ZPBP: variants seen among roughly 807,000 people sequenced by gnomAD.
The protein encoded by ZPBP is zona pellucida-binding protein 1.
In ZPBP, 26 loss-of-function variants were observed where a neutral mutation model predicts 44.8. That is an observed-to-expected ratio of 0.58 (90% CI 0.43 to 0.81). ZPBP has a LOEUF of 0.81. Among genes scored for constraint, ZPBP ranks in the 30% least tolerant of loss-of-function variants. ZPBP has a pLI of 0.00. For synonymous variants in ZPBP, 174 were observed against 153.2 expected, an observed-to-expected ratio of 1.14 and a Z score of -1.00; for missense variants, 409 against 434.0, an observed-to-expected ratio of 0.94 and a Z score of 0.51.
At chr7:50,085,886 G>A (rs2128855270) in intron 2 of ZPBP, among the ~76,000 whole-genome samples, 1 of 152,150 alleles carries the variant, frequency 6.6e-6, no homozygotes, top group South Asian at 2.1e-4. Flanking sequence ...CTGTGTACAT[G>A]CCCAGAACAA....
At chr7:49,924,330 GA>G (rs1313840467) in intron 1 of ZPBP, among the ~76,000 whole-genome samples, 22 of 151,946 alleles carry the variant, frequency 1.4e-4, no homozygotes, top group Non-Finnish European at 2.9e-5. Flanking sequence ...GCTGACCTAG[GA>G]AACAGGTGCA....
intron 2 of ZPBP, among the ~76,000 whole-genome samples, chr7:50,084,381 T>C (rs1802521945): frequency 1.3e-5 from 2 of 151,000 alleles, no homozygotes; most frequent in Admixed American, 6.6e-5. Context: ...ATGGTATTTA[T>C]TACATACACC....
intron 6 of ZPBP, among the ~76,000 whole-genome samples, chr7:50,005,116 A>G (rs908916875): frequency 6.6e-6 from 1 of 151,852 alleles, no homozygotes; most frequent in African/African-American, 2.4e-5. Flanking sequence ...AGAAGATAGT[A>G]GGATGATATA....
At position 50,021,896 on chromosome 7, in the gene ZPBP, C is replaced by T. The variant is rs145406693; in HGVS notation, c.707-3580G>A. Among the ~76,000 whole-genome samples, 60 of 152,122 alleles carry T rather than the reference C, an allele frequency of 3.9e-4. No homozygotes were observed. In the East Asian group the frequency reaches 0.011, roughly 27 times the overall value. On this transcript the variant is annotated intron_variant, in intron 5 of 7. Transcript: ENST00000046087. ...TGTAATATCATTTATAATAAATGGG[C>T]AACCATTTTTTAAAAAATCAAAGAC...
intron 1 of ZPBP, chr7:49,918,695 T>C (rs2128745928): frequency 6.6e-6 from 1 of 152,324 alleles, no homozygotes; most frequent in South Asian, 2.1e-4. Flanking sequence ...TCAAATTTCA[T>C]ATTCTTTTAT....
intron 6 of ZPBP, among the ~76,000 whole-genome samples, chr7:50,002,435 T>G (rs1798140646): frequency 6.6e-6 from 1 of 152,154 alleles, no homozygotes; most frequent in South Asian, 2.1e-4. Flanking sequence ...TTTCCCAGGC[T>G]AGTCTTGAAC....
intron 7 of ZPBP, among the ~76,000 whole-genome samples, chr7:49,979,955 A>G (rs1279236224): frequency 9.0e-6 from 1 of 111,274 alleles, no homozygotes; most frequent in African/African-American, 3.5e-5. Context: ...ATATATATTA[A>G]TATATTTATA....
chr7:49,870,407 T>TA (rs1228415615), intron 2 of ZPBP, among the ~76,000 whole-genome samples: 1 of 152,130 alleles, frequency 6.6e-6, no homozygotes, highest in African/African-American at 2.4e-5. Flanking sequence ...CTCAAAAAAA[T>TA]AAAAAAATAA....
chr7:49,970,466 C>CTTTTTTTTTT lies in ZPBP; in HGVS notation c.961+12866_961+12875dup, dbSNP rs771955717. On this transcript the variant is annotated intron_variant, in intron 7 of 7. Transcript: ENST00000046087. ...ACCCTCCACACAACAGCTGAATATA[C>CTTTTTTTTTT]TTTTTTTTTTTTTTTTTTTTTTTTT... Among the ~76,000 whole-genome samples, 21 of 85,212 alleles carry CTTTTTTTTTT rather than the reference C, an allele frequency of 2.5e-4. 3 individuals carry two copies. Among genetic ancestry groups the CTTTTTTTTTT allele is most frequent in the African/African-American group, 5.7e-4 (12 of 20,964 alleles). 55.9% of individuals were successfully genotyped at this position (85,212 alleles called of 152,430 possible).
intron 5 of ZPBP, among the ~76,000 whole-genome samples, chr7:50,019,371 T>A (rs1482673738): frequency 6.6e-6 from 1 of 152,154 alleles, no homozygotes; most frequent in Non-Finnish European, 1.5e-5. Context: ...TAATTTTTCA[T>A]GGGCCTCCTT....
intron 7 of ZPBP, among the ~76,000 whole-genome samples, chr7:49,964,742 A>G (rs1486751260): frequency 6.6e-6 from 1 of 152,130 alleles, no homozygotes; most frequent in Non-Finnish European, 1.5e-5. Context: ...AAGATGGCAA[A>G]TACTATATGC....
intron 4 of ZPBP, among the ~76,000 whole-genome samples, chr7:50,048,739 C>A (rs1352932794): frequency 2.0e-5 from 3 of 151,720 alleles, no homozygotes; most frequent in Non-Finnish European, 4.4e-5. Flanking sequence ...AAAGAAAGCT[C>A]TCACGTAGCC....
intron 7 of ZPBP, among the ~76,000 whole-genome samples, chr7:49,966,236 G>A (rs1796053567): frequency 6.6e-6 from 1 of 151,936 alleles, no homozygotes; most frequent in Non-Finnish European, 1.5e-5. Context: ...ATCAGTAAAG[G>A]ACATAAAAGA....
chr7:49,855,136 C>T (rs1790361570), intron 2 of ZPBP, among the ~76,000 whole-genome samples: 1 of 152,158 alleles, frequency 6.6e-6, no homozygotes. Context: ...ATGTGAAAGG[C>T]CTGCTCACAT....
At chr7:49,990,425 C>T (rs1797512145) in intron 6 of ZPBP, among the ~76,000 whole-genome samples, 1 of 152,202 alleles carries the variant, frequency 6.6e-6, no homozygotes, top group Admixed American at 6.5e-5. Flanking sequence ...GGATGCCTCA[C>T]TTTCTCGTCC....
intron 6 of ZPBP, among the ~76,000 whole-genome samples, chr7:50,015,418 A>G (rs891824303): frequency 6.6e-6 from 1 of 152,228 alleles, no homozygotes; most frequent in Admixed American, 6.6e-5. Context: ...ATAAAAATCA[A>G]CTCACGATGG....
intron 2 of ZPBP, among the ~76,000 whole-genome samples, chr7:49,855,937 TGA>T (rs1790400443): frequency 6.6e-6 from 1 of 152,182 alleles, no homozygotes; most frequent in South Asian, 2.1e-4. Context: ...TCAGATCCAC[TGA>T]GAGACACTAA....
rs147323639 is a variant in ZPBP, at chr7:49,987,397, G to A, written c.784-3878C>T. ...TTTTGCCTTGCCTATCTTAATGGGT[G>A]CATGAGAGGCCCCAAGATGATTTCT... On this transcript the variant is annotated intron_variant, in intron 6 of 7. Coordinates refer to ENST00000046087, the MANE Select transcript of ZPBP (RefSeq NM_007009.3). 3.9e-4 allele frequency among the ~76,000 whole-genome samples: 60 copies of A among 152,218 alleles called. 1 individual carries two copies. The highest frequency in any genetic ancestry group is 1.4e-3 in the African/African-American group (60 of 41,522).
chr7:49,865,017 T>C (rs57408745), intron 2 of ZPBP, among the ~76,000 whole-genome samples: 1 of 151,446 alleles, frequency 6.6e-6, no homozygotes, highest in Non-Finnish European at 1.5e-5. Flanking sequence ...CTCAATTTTT[T>C]CTGATATCCC....
Sources: gnomAD v4.1 joint callset for allele counts (sites outside exome capture counted in the v4.1 genomes callset) on GRCh38, gnomAD v4.1.1 for gene constraint, MANE v1.5 for transcripts, NCBI Gene and HGNC (gene_info 2026-07-23, HGNC 2026-07-21) for gene names.